NPSR1: variants seen among roughly 807,000 people sequenced by gnomAD.
NPSR1 encodes neuropeptide S receptor 1, also known as neuropeptide S receptor.
Under a neutral mutation model 46.9 loss-of-function variants are expected in NPSR1, and 48 were observed. The observed-to-expected ratio is 1.02, with a 90% CI of 0.81 to 1.30. The LOEUF (loss-of-function observed/expected upper bound fraction) is 1.30, where lower values mean the gene tolerates loss of function less well. NPSR1 is among the 50% of genes most tolerant of loss of function. NPSR1 has a pLI of 0.00. For missense variants in NPSR1, 450 were observed against 449.5 expected (o/e 1.00, Z -0.01); for synonymous variants, 176 against 168.1 (o/e 1.05, Z -0.36).
intron 2 of NPSR1, among the ~76,000 whole-genome samples, chr7:34,707,211 T>G (rs1468987581): frequency 1.3e-5 from 2 of 152,214 alleles, no homozygotes; most frequent in East Asian, 3.8e-4. Flanking sequence ...ATCTCCATGA[T>G]CTTTAGGAAG....
At chr7:34,724,011 C>T (rs1784007183) in intron 2 of NPSR1, among the ~76,000 whole-genome samples, 1 of 152,150 alleles carries the variant, frequency 6.6e-6, no homozygotes, top group African/African-American at 2.4e-5. Context: ...ATCTATCTTC[C>T]ACACTGAGTT....
rs111403993 is a variant in NPSR1 at position 34,792,722 on chromosome 7, T to TAC, written c.384+14158_384+14159insCA. On this transcript the variant is annotated intron_variant, in intron 3 of 8. Coordinates refer to ENST00000360581, the MANE Select transcript of NPSR1 (RefSeq NM_207172.2). ...ATACGTATATATATATATTTATATA[T>TAC]ATATATATATATTAGCCAGGCATGG... 4.8e-5 allele frequency among the ~76,000 whole-genome samples: 6 copies of TAC among 125,962 alleles called. 1 individual carries two copies. Among genetic ancestry groups the TAC allele is most frequent in the African/African-American group, 9.0e-5 (3 of 33,424 alleles). 82.6% of individuals were successfully genotyped at this position (125,962 alleles called of 152,430 possible). A position where few individuals can be genotyped will look rare whatever the true frequency, so the allele number is the denominator to read the frequency against.
At chr7:34,697,342 C>T (rs1240286030) in intron 2 of NPSR1, among the ~76,000 whole-genome samples, 1 of 151,736 alleles carries the variant, frequency 6.6e-6, no homozygotes, top group African/African-American at 2.4e-5. Context: ...GTTAAAATCT[C>T]TAAAGTAATC....
intron 1 of NPSR1, among the ~76,000 whole-genome samples, chr7:34,663,845 A>G (rs1460597254): frequency 1.3e-5 from 2 of 152,210 alleles, no homozygotes; most frequent in African/African-American, 2.4e-5. Flanking sequence ...TGTTTAAGAT[A>G]TCCTCACTGA....
At chr7:34,842,607 C>T (rs987914879) in intron 6 of NPSR1, among the ~76,000 whole-genome samples, 4 of 152,198 alleles carry the variant, frequency 2.6e-5, no homozygotes, top group African/African-American at 7.2e-5. Flanking sequence ...TTCGTGGTCC[C>T]ATGAAACGCA....
At chr7:34,872,529 T>A (rs1284392991) in intron 8 of NPSR1, among the ~76,000 whole-genome samples, 3 of 151,944 alleles carry the variant, frequency 2.0e-5, no homozygotes, top group Admixed American at 1.3e-4. Context: ...GGCCTGTTTA[T>A]TAGTCCATTT....
At chr7:34,691,371 A>G (rs1793241718) in intron 2 of NPSR1, among the ~76,000 whole-genome samples, 1 of 152,226 alleles carries the variant, frequency 6.6e-6, no homozygotes, top group Non-Finnish European at 1.5e-5. Context: ...ACATATTAAT[A>G]TTAATCTTGA....
At chr7:34,807,893 C>G (rs112966427) in intron 3 of NPSR1, among the ~76,000 whole-genome samples, 8 of 151,846 alleles carry the variant, frequency 5.3e-5, no homozygotes, top group African/African-American at 1.9e-4. Flanking sequence ...GCCCCTACCC[C>G]CCACCACCAC....
At chr7:34,733,645 T>C (rs1405690881) in intron 2 of NPSR1, among the ~76,000 whole-genome samples, 1 of 152,202 alleles carries the variant, frequency 6.6e-6, no homozygotes, top group Admixed American at 6.5e-5. Context: ...CATTCATCAC[T>C]CTTGGTCAGT....
Position 34,848,682 on chromosome 7 carries a change from T to C in NPSR1, c.1025+19T>C. 3.7e-6 allele frequency: 6 copies of C among 1,608,848 alleles called. No individual in the cohort carries two copies. The highest frequency in any genetic ancestry group is 5.1e-6 in the Non-Finnish European group (6 of 1,177,166). ...CCTGCAGGTAAGGGGAGCTCTTGCA[T>C]GGGTCAGACACACTGATGGCCATTG... On this transcript the variant is annotated intron_variant, in intron 8 of 8. Coordinates refer to ENST00000360581, the MANE Select transcript of NPSR1 (RefSeq NM_207172.2).
At chr7:34,768,858 C>A (rs781085722) in intron 2 of NPSR1, among the ~76,000 whole-genome samples, 1 of 152,052 alleles carries the variant, frequency 6.6e-6, no homozygotes, top group South Asian at 2.1e-4. Flanking sequence ...AAGGAGGATG[C>A]GGTGACTGAG....
At chr7:34,790,746 A>AATATATATGTTATATGTTAT (rs111929376) in intron 3 of NPSR1, among the ~76,000 whole-genome samples, 4 of 104,646 alleles carry the variant, frequency 3.8e-5, no homozygotes, top group African/African-American at 1.6e-4. Context: ...TGTTATATAT[A>AATATATATGTTATATGTTAT]ATATATGTTA....
intron 4 of NPSR1, among the ~76,000 whole-genome samples, chr7:34,821,508 G>A (rs918816274): frequency 6.6e-6 from 1 of 152,092 alleles, no homozygotes; most frequent in Non-Finnish European, 1.5e-5. Flanking sequence ...AAAGGACATC[G>A]ACGCCAAAGT....
chr7:34,684,696 T>G lies in NPSR1; in HGVS notation c.280+12T>G. On this transcript the variant is annotated intron_variant, in intron 2 of 8. Transcript: ENST00000360581. ...GCTGGCCATCACAGGTAAGTAACTA[T>G]GCAAGTGAGAGGCAGGAAGCTATAT... is the stretch of plus-strand genomic sequence containing the variant. 2 of 1,597,908 alleles carry G rather than the reference T, an allele frequency of 1.3e-6. No homozygotes were observed. Among genetic ancestry groups the G allele is most frequent in the African/African-American group, 1.4e-5 (1 of 74,068 alleles).
At position 34,666,903 on chromosome 7, in the gene NPSR1, T is replaced by C. The variant is rs149140270; in HGVS notation, c.147+8344T>C. 7.9e-3 allele frequency among the ~76,000 whole-genome samples: 1,203 copies of C among 152,300 alleles called. 12 individuals carry two copies. Among genetic ancestry groups the C allele is most frequent in the African/African-American group, 0.027 (1,139 of 41,562 alleles). On this transcript the variant is annotated intron_variant, in intron 1 of 8. Transcript: ENST00000360581. ...GTATGGTTTTGAGTAACCAAGAAAG[T>C]AAAAGTTTCTCCCCCTCCTCAAAGA...
At chr7:34,755,994 G>A (rs1205648452) in intron 2 of NPSR1, among the ~76,000 whole-genome samples, 1 of 152,178 alleles carries the variant, frequency 6.6e-6, no homozygotes, top group African/African-American at 2.4e-5. Context: ...CTAGCAAGTA[G>A]GGAATCACAG....
chr7:34,693,867 T>C (rs1793385012), intron 2 of NPSR1, among the ~76,000 whole-genome samples: 1 of 152,188 alleles, frequency 6.6e-6, no homozygotes, highest in Admixed American at 6.5e-5. Context: ...ATAAAATCAA[T>C]AGACATGATT....
intron 8 of NPSR1, among the ~76,000 whole-genome samples, chr7:34,855,374 A>C (rs901668548): frequency 7.2e-5 from 11 of 152,234 alleles, no homozygotes; most frequent in African/African-American, 2.6e-4. Context: ...AAGGAAGAAA[A>C]AGAGAGAAGG....
intron 2 of NPSR1, among the ~76,000 whole-genome samples, chr7:34,713,770 A>G (rs891795064): frequency 6.6e-6 from 1 of 152,198 alleles, no homozygotes; most frequent in Non-Finnish European, 1.5e-5. Context: ...AAAACTAACC[A>G]TCTGACCTAG....
Sources: allele counts gnomAD v4.1 joint callset (sites outside exome capture counted in the v4.1 genomes callset), GRCh38; gene constraint gnomAD v4.1.1; transcripts MANE v1.5; gene names NCBI Gene and HGNC (gene_info 2026-07-23, HGNC 2026-07-21).